TLE3: variants seen among roughly 807,000 people sequenced by gnomAD.
The protein encoded by TLE3 is transducin-like enhancer protein 3.
A neutral mutation model predicts 93.0 loss-of-function variants in TLE3; 14 were observed. The ratio of observed to expected loss-of-function variants is 0.15; its 90% CI spans 0.10 to 0.24. The LOEUF (loss-of-function observed/expected upper bound fraction) is 0.24. TLE3 is among the 10% of genes least tolerant of loss of function. The pLI is 1.00. For synonymous variants in TLE3, 451 were observed against 425.0 expected (o/e 1.06, Z -0.75); for missense variants, 693 against 1,046.6 (o/e 0.66, Z 4.66).
intron 7 of TLE3, among the ~76,000 whole-genome samples, chr15:70,065,336 G>A (rs914205478): frequency 1.3e-5 from 2 of 152,318 alleles, no homozygotes; most frequent in Admixed American, 6.5e-5. Context: ...GGCCAAGCTC[G>A]GTGCAGCTTC....
At chr15:70,054,806 G>A in intron 15 of TLE3, 121 bp from the exon 16 acceptor site, 2 of 1,359,282 alleles carry the variant, frequency 1.5e-6, no homozygotes, top group Non-Finnish European at 2.0e-6. Flanking sequence ...CCTATACCCA[G>A]CAGCTGCCAG....
intron 4 of TLE3, among the ~76,000 whole-genome samples, chr15:70,080,690 C>T (rs2141896311): frequency 6.6e-6 from 1 of 152,308 alleles, no homozygotes; most frequent in East Asian, 1.9e-4. Context: ...GACCTCTGAA[C>T]ATCTTGCTGT....
intron 16 of TLE3, 150 bp from the exon 17 acceptor site, chr15:70,053,524 C>G: frequency 2.2e-6 from 2 of 896,140 alleles, no homozygotes; most frequent in Non-Finnish European, 3.2e-6. Context: ...TGCAGCAAAG[C>G]TAGCCCCGGC....
Position 70,048,329 on chromosome 15 carries a change from GGT to G in TLE3, c.*1766_*1767del, listed in dbSNP as rs2055240674. The G allele has an allele frequency of 6.6e-6, 1 of 152,126 alleles. No individual in the cohort carries two copies. Among genetic ancestry groups the G allele is most frequent in the Non-Finnish European group, 1.5e-5 (1 of 68,036 alleles). 9.4% of individuals were successfully genotyped at this position (152,126 alleles called of 1,614,324 possible). A position where few individuals can be genotyped will look rare whatever the true frequency, so the allele number is the denominator to read the frequency against. On this transcript the variant is annotated 3_prime_UTR_variant, in exon 20 of 20. Coordinates refer to ENST00000451782, the MANE Select transcript of TLE3 (RefSeq NM_001105192.3). The stretch of plus-strand genomic sequence containing the variant: ...CCTTCTGGCTAGAGCCTTAACAAGA[GGT>G]GGCAGATGGACATCTGAGACCCAGA...
intron 6 of TLE3, among the ~76,000 whole-genome samples, chr15:70,073,556 C>T (rs1387577299): frequency 6.6e-6 from 1 of 152,238 alleles, no homozygotes; most frequent in East Asian, 1.9e-4. Flanking sequence ...TCGTTAGGAA[C>T]ACAGATTTCC....
intron 4 of TLE3, among the ~76,000 whole-genome samples, chr15:70,082,869 G>A (rs1212552717): frequency 6.6e-6 from 1 of 152,162 alleles, no homozygotes; most frequent in East Asian, 1.9e-4. Flanking sequence ...CAACGGCAAG[G>A]GACTCTGGGG....
chr15:70,055,218 A>ATGCCGGGGCC lies in TLE3; in HGVS notation c.1399_1408dup (p.Ile470ArgfsTer74). 1 of 1,613,516 alleles carries ATGCCGGGGCC rather than the reference A, an allele frequency of 6.2e-7. No individual in the cohort carries two copies. Among genetic ancestry groups the ATGCCGGGGCC allele is most frequent in the Non-Finnish European group, 8.5e-7 (1 of 1,179,830 alleles). ...GTTGATCTGCCGGGCGTGCCTCGGGATGCCGGGGCCTGCCAGGGCGTCGTG... is the reference window on the plus strand; with the variant it reads ...GTTGATCTGCCGGGCGTGCCTCGGGATGCCGGGGCCTGCCGGGGCCTGCCAGGGCGTCGTG... On this transcript the variant is annotated frameshift_variant, in exon 15 of 20. Transcript: ENST00000451782. LOFTEE classifies it high-confidence loss of function.
chr15:70,067,800 C>G (rs145443629), intron 6 of TLE3, among the ~76,000 whole-genome samples: 249 of 152,376 alleles, frequency 1.6e-3, no homozygotes, highest in African/African-American at 5.8e-3. Flanking sequence ...CCATGGCACT[C>G]CTGGCCCCAG....
intron 4 of TLE3, among the ~76,000 whole-genome samples, chr15:70,084,212 A>G (rs372357013): frequency 8.6e-4 from 131 of 152,372 alleles, no homozygotes; most frequent in African/African-American, 3.1e-3. Context: ...GGTTAGAGCC[A>G]GACTCCTTCC....
chr15:70,073,002 G>T (rs1053194984), intron 6 of TLE3, among the ~76,000 whole-genome samples: 19 of 152,190 alleles, frequency 1.2e-4, no homozygotes, highest in Non-Finnish European at 4.4e-5. Context: ...AGTAGGCCAG[G>T]ATTCAAACCA....
chr15:70,076,301 T>TA (rs941191927), intron 4 of TLE3, 143 bp from the exon 5 acceptor site: 13 of 713,580 alleles, frequency 1.8e-5, no homozygotes, highest in Middle Eastern at 2.8e-4. Flanking sequence ...GTCAGCCTCC[T>TA]ACCAGGAGGC....
chr15:70,052,916 A>C (rs1052397203), intron 17 of TLE3: 20 of 356,050 alleles, frequency 5.6e-5, no homozygotes, highest in Non-Finnish European at 9.7e-5. Context: ...TCAGGTGCCC[A>C]CATCAGACCT....
rs1051368140 is a variant in TLE3 at position 70,096,810 on chromosome 15, G to A, written c.-12C>T. On this transcript the variant is annotated 5_prime_UTR_variant, in exon 1 of 20. Transcript: ENST00000451782. ...CCCTGCGGATACATGGCAGGGAGGG[G>A]TCGTGATTCCGAGAGCGTGGAAGCG... is the stretch of plus-strand genomic sequence containing the variant. The A allele has an allele frequency of 5.6e-6, 9 of 1,611,850 alleles. No individual in the cohort carries two copies. Among genetic ancestry groups the A allele is most frequent in the Non-Finnish European group, 7.6e-6 (9 of 1,179,338 alleles).
intron 8 of TLE3, among the ~76,000 whole-genome samples, chr15:70,060,925 G>A (rs1287682274): frequency 6.6e-6 from 1 of 152,224 alleles, no homozygotes; most frequent in Non-Finnish European, 1.5e-5. Flanking sequence ...GCAGTAAGCC[G>A]TCTGCCTTCT....
chr15:70,055,837 C>T (rs2055968507), intron 14 of TLE3: 1 of 249,220 alleles, frequency 4.0e-6, no homozygotes, highest in African/African-American at 2.3e-5. Flanking sequence ...TATCTGTAGG[C>T]TCAATCTTTT....
chr15:70,096,357 A>T lies in TLE3; in HGVS notation c.25-96T>A, dbSNP rs998518065. The T allele has an allele frequency of 4.0e-6, 6 of 1,512,972 alleles. No homozygotes were observed. The African/African-American group carries it at 7.1e-5, about 18-fold the overall frequency. 93.7% of individuals were successfully genotyped at this position (1,512,972 alleles called of 1,614,324 possible). The stretch of plus-strand genomic sequence containing the variant: ...CTCCCCAACGGCGCCCAACCAAAAG[A>T]GGCCACCCTCAGCCCAGAACCTTCC... On this transcript the variant is annotated intron_variant, in intron 1 of 19. Transcript: ENST00000451782.
intron 16 of TLE3, 29 bp downstream of exon 16, chr15:70,054,409 G>A (rs1359184483): frequency 1.9e-6 from 3 of 1,597,938 alleles, no homozygotes; most frequent in South Asian, 1.1e-5. Flanking sequence ...CCCAGGACGA[G>A]GCACTAATGC....
At chr15:70,051,696 A>C (rs146955763) in intron 18 of TLE3, among the ~76,000 whole-genome samples, 1 of 152,334 alleles carries the variant, frequency 6.6e-6, no homozygotes, top group East Asian at 1.9e-4. Context: ...AAAAGGTAGG[A>C]TTTGAAGTTC....
Position 70,049,974 on chromosome 15 carries a change from C to T in TLE3, c.*123G>A. 5 of 771,200 alleles carry T rather than the reference C, an allele frequency of 6.5e-6. No homozygotes were observed. Among genetic ancestry groups the T allele is most frequent in the Non-Finnish European group, 1.1e-5 (5 of 449,892 alleles). The allele number at this position is 771,200 out of a possible 1,614,324, so 47.8% of individuals were successfully genotyped here. A position where few individuals can be genotyped will look rare whatever the true frequency, so the allele number is the denominator to read the frequency against. ...GCCCTCTCAGCCGGCCGGAGCGCAG[C>T]CCTGAACGCTCGGCTGCCTGCGGCC... On this transcript the variant is annotated 3_prime_UTR_variant, in exon 20 of 20. Transcript: ENST00000451782.
Sources: gnomAD v4.1 joint callset for allele counts (sites outside exome capture counted in the v4.1 genomes callset) on GRCh38, gnomAD v4.1.1 for gene constraint, MANE v1.5 for transcripts, NCBI Gene and HGNC (gene_info 2026-07-23, HGNC 2026-07-21) for gene names.